The following MPP7 variants were observed in gnomAD, a reference collection of about 807,000 sequenced individuals.
MPP7 encodes the protein MAGUK p55 scaffold protein 7, also known as MAGUK p55 subfamily member 7.
A neutral mutation model predicts 76.5 loss-of-function variants in MPP7; 60 were observed. The ratio of observed to expected loss-of-function variants is 0.78; its 90% confidence interval spans 0.64 to 0.97. The LOEUF (loss-of-function observed/expected upper bound fraction) is 0.97, where lower values mean the gene tolerates loss of function less well. Ranked by LOEUF, MPP7 falls within the 50% of genes least tolerant of loss-of-function variation. MPP7 has a pLI of 0.00. For missense variants in MPP7, 641 were observed against 694.0 expected (o/e 0.92, Z 0.86); for synonymous variants, 237 against 244.5 (o/e 0.97, Z 0.29).
intron 1 of MPP7, among the ~76,000 whole-genome samples, chr10:28,333,174 T>G (rs1232329042): frequency 6.6e-6 from 1 of 152,226 alleles, no homozygotes; most frequent in African/African-American, 2.4e-5. Flanking sequence ...ACAGAGAGTG[T>G]CACTCTGTTG....
At position 28,124,105 on chromosome 10, in the gene MPP7, CATGA is replaced by C; in HGVS notation, c.537_540del (p.Ile179MetfsTer22). 1 of 1,608,564 alleles carries C rather than the reference CATGA, an allele frequency of 6.2e-7. No homozygotes were observed. The highest frequency in any genetic ancestry group is 8.5e-7 in the Non-Finnish European group (1 of 1,175,108). On this transcript the variant is annotated frameshift_variant, in exon 8 of 17. Transcript: ENST00000683449. LOFTEE classifies it high-confidence loss of function. ...TTGACTTCCCTAAGTTCATCACCAA[CATGA>C]ATAAGACCTGAGAAATAGGAGATTT...
chr10:28,306,151 G>A (rs1841254082), upstream of MPP7, among the ~76,000 whole-genome samples: 1 of 152,146 alleles, frequency 6.6e-6, no homozygotes, highest in African/African-American at 2.4e-5. Flanking sequence ...ACTATGGAGG[G>A]CCAGAAAGAG....
At chr10:28,106,618 A>G (rs1403754323) in intron 11 of MPP7, among the ~76,000 whole-genome samples, 2 of 152,182 alleles carry the variant, frequency 1.3e-5, no homozygotes, top group Non-Finnish European at 2.9e-5. Context: ...CAGATATTCA[A>G]TTCTTTACCA....
intron 12 of MPP7, among the ~76,000 whole-genome samples, chr10:28,079,642 A>T (rs1852667838): frequency 6.6e-6 from 1 of 152,172 alleles, no homozygotes; most frequent in Non-Finnish European, 1.5e-5. Context: ...ATACTGACAA[A>T]AAAACAAAAA....
intron 3 of MPP7, among the ~76,000 whole-genome samples, chr10:28,157,751 C>G (rs988106458): frequency 6.6e-6 from 1 of 152,180 alleles, no homozygotes; most frequent in African/African-American, 2.4e-5. Context: ...CTGCAATGTT[C>G]CTGAGTCTTG....
intron 6 of MPP7, among the ~76,000 whole-genome samples, chr10:28,131,086 C>T (rs574368927): frequency 6.6e-6 from 1 of 152,060 alleles, no homozygotes; most frequent in African/African-American, 2.4e-5. Context: ...ATTTAAGTTC[C>T]ACGCCTCCTG....
intron 1 of MPP7, among the ~76,000 whole-genome samples, chr10:28,266,770 A>G (rs768842278): frequency 1.3e-5 from 2 of 152,120 alleles, no homozygotes; most frequent in African/African-American, 4.8e-5. Flanking sequence ...CATTGTCCCC[A>G]TGTTATAATT....
chr10:28,067,037 A>T (rs894519576), intron 13 of MPP7, among the ~76,000 whole-genome samples: 8 of 152,146 alleles, frequency 5.3e-5, no homozygotes, highest in Non-Finnish European at 2.9e-5. Flanking sequence ...GAACGTACTT[A>T]TGCATTTCCA....
chr10:28,301,675 T>C (rs1841158303), intron 1 of MPP7, among the ~76,000 whole-genome samples: 1 of 152,148 alleles, frequency 6.6e-6, no homozygotes, highest in Non-Finnish European at 1.5e-5. Context: ...TTGACATACC[T>C]GTAAAATGGA....
intron 1 of MPP7, among the ~76,000 whole-genome samples, chr10:28,277,394 T>C (rs1282847301): frequency 2.0e-5 from 3 of 151,738 alleles, no homozygotes; most frequent in Non-Finnish European, 4.4e-5. Context: ...AAAAAATAAA[T>C]TTTTTAAAAA....
chr10:28,066,347 G>A (rs1436858847), intron 13 of MPP7, among the ~76,000 whole-genome samples: 6 of 152,230 alleles, frequency 3.9e-5, no homozygotes, highest in Admixed American at 3.9e-4. Context: ...AGCTCATTCA[G>A]CCACTTTAGC....
chr10:28,156,034 G>A (rs1836051313), intron 3 of MPP7, among the ~76,000 whole-genome samples: 1 of 152,034 alleles, frequency 6.6e-6, no homozygotes, highest in Non-Finnish European at 1.5e-5. Flanking sequence ...TAGAGAAAAG[G>A]AAAAGCACTA....
chr10:28,174,578 T>G (rs1373076973), intron 3 of MPP7, among the ~76,000 whole-genome samples: 1 of 152,234 alleles, frequency 6.6e-6, no homozygotes, highest in South Asian at 2.1e-4. Context: ...GCCAAACAAA[T>G]TTTTCTTTAT....
chr10:28,281,143 A>G (rs986095071), intron 1 of MPP7, among the ~76,000 whole-genome samples: 10 of 151,634 alleles, frequency 6.6e-5, no homozygotes, highest in African/African-American at 2.4e-4. Context: ...GCAGTGGTGC[A>G]ATCTCTGCTC....
chr10:28,313,456 A>C (rs541217977), intron 2 of MPP7, among the ~76,000 whole-genome samples: 47 of 152,290 alleles, frequency 3.1e-4, no homozygotes, highest in African/African-American at 1.1e-3. Context: ...CAGTGAGCCT[A>C]GATTACACCA....
intron 1 of MPP7, among the ~76,000 whole-genome samples, chr10:28,263,233 C>T (rs376218020): frequency 9.2e-5 from 14 of 152,056 alleles, no homozygotes; most frequent in African/African-American, 1.9e-4. Flanking sequence ...CATCTAAATA[C>T]GCTGAGTGAA....
At chr10:28,207,182 TG>T (rs1837976114) in intron 2 of MPP7, among the ~76,000 whole-genome samples, 3 of 152,234 alleles carry the variant, frequency 2.0e-5, no homozygotes, top group Admixed American at 2.0e-4. Flanking sequence ...TTTGGGTACA[TG>T]GAATAGACAC....
chr10:28,181,914 C>T lies in MPP7; in HGVS notation c.156+20239G>A, dbSNP rs572317809. 3.9e-5 allele frequency among the ~76,000 whole-genome samples: 6 copies of T among 152,264 alleles called. No individual in the cohort carries two copies. The East Asian group carries it at 1.2e-3, about 29-fold the overall frequency. ...CTTGGCCAGGAGCTACATAAACCTCCGACTCATACATGCTTTCAGTAAGAC... is the reference window on the plus strand; with the variant it reads ...CTTGGCCAGGAGCTACATAAACCTCTGACTCATACATGCTTTCAGTAAGAC... On this transcript the variant is annotated intron_variant, in intron 3 of 16. Coordinates refer to ENST00000683449, the MANE Select transcript of MPP7 (RefSeq NM_001318170.2).
intron 11 of MPP7, among the ~76,000 whole-genome samples, chr10:28,100,946 A>G (rs1052337310): frequency 6.6e-6 from 1 of 152,180 alleles, no homozygotes; most frequent in African/African-American, 2.4e-5. Flanking sequence ...GCCGGCTAAT[A>G]AAGAAATAAG....
Sources: gnomAD v4.1 joint callset for allele counts (sites outside exome capture counted in the v4.1 genomes callset) on GRCh38, gnomAD v4.1.1 for gene constraint, MANE v1.5 for transcripts, NCBI Gene and HGNC (gene_info 2026-07-23, HGNC 2026-07-21) for gene names.